Variants in RAPGEF2 observed in about 807,000 individuals in gnomAD.
RAPGEF2 encodes the protein Rap guanine nucleotide exchange factor 2.
In RAPGEF2, 54 loss-of-function variants were observed where a neutral mutation model predicts 186.7. That is an observed-to-expected ratio of 0.29 (90% CI 0.23 to 0.36). The LOEUF is 0.36. Ranked by LOEUF, RAPGEF2 falls within the 10% of genes least tolerant of loss-of-function variation. The pLI is 1.00. For synonymous variants in RAPGEF2, 712 were observed against 705.9 expected, an observed-to-expected ratio of 1.01 and a Z score of -0.14; for missense variants, 1,532 against 2,045.0, an observed-to-expected ratio of 0.75 and a Z score of 4.84.
intron 7 of RAPGEF2, chr4:159,282,663 A>G (rs1448668750): frequency 2.2e-6 from 1 of 450,922 alleles, no homozygotes; most frequent in South Asian, 1.6e-5. Flanking sequence ...TTTCTTCCTA[A>G]GGCTTGCCTT....
intron 4 of RAPGEF2, among the ~76,000 whole-genome samples, chr4:159,210,934 C>G (rs1750460097): frequency 6.6e-6 from 1 of 152,142 alleles, no homozygotes; most frequent in Non-Finnish European, 1.5e-5. Flanking sequence ...GTCTCATAAA[C>G]ATCTAAAGAG....
chr4:159,251,292 G>A (rs1755347406), intron 7 of RAPGEF2, among the ~76,000 whole-genome samples: 2 of 152,356 alleles, frequency 1.3e-5, no homozygotes, highest in African/African-American at 4.8e-5. Flanking sequence ...TGGTCCCATC[G>A]ACTGCCCAAG....
At chr4:159,156,646 C>T (rs1198193708) in intron 1 of RAPGEF2, among the ~76,000 whole-genome samples, 3 of 152,156 alleles carry the variant, frequency 2.0e-5, no homozygotes. Context: ...CTCCCAACCA[C>T]CCACATGGAC....
intron 7 of RAPGEF2, among the ~76,000 whole-genome samples, chr4:159,294,641 T>TCCTTCCTG (rs1761693643): frequency 9.6e-6 from 1 of 104,282 alleles, no homozygotes; most frequent in Non-Finnish European, 1.9e-5. Context: ...ATTTCTTCCT[T>TCCTTCCTG]CCTTCCTTCC....
intron 7 of RAPGEF2, among the ~76,000 whole-genome samples, chr4:159,259,285 T>C (rs1756533880): frequency 6.6e-6 from 1 of 152,210 alleles, no homozygotes; most frequent in African/African-American, 2.4e-5. Flanking sequence ...TTAACCGCTT[T>C]AGAAGTATAC....
At chr4:159,207,215 T>A (rs1750081305) in intron 3 of RAPGEF2, among the ~76,000 whole-genome samples, 1 of 152,236 alleles carries the variant, frequency 6.6e-6, no homozygotes, top group African/African-American at 2.4e-5. Flanking sequence ...GATTACCACT[T>A]ACCTTCACAT....
chr4:159,223,320 AG>A (rs1751716516), intron 4 of RAPGEF2, among the ~76,000 whole-genome samples: 1 of 152,138 alleles, frequency 6.6e-6, no homozygotes. Context: ...CTGTTTTCTT[AG>A]TTATACTTCT....
In RAPGEF2 at chr4:159,164,769, G is replaced by C. The variant is rs773793766; in HGVS notation, c.70-21873G>C. Among the ~76,000 whole-genome samples, 75 of 152,156 alleles carry C rather than the reference G, an allele frequency of 4.9e-4. 1 individual carries two copies. Among genetic ancestry groups the C allele is most frequent in the Non-Finnish European group, 8.7e-4 (59 of 68,022 alleles). ...GTTTATATTACTAAGCTGTTGAGATGTGACGTCGCTACAAAAATAATAAAT... is the reference window on the plus strand; with the variant it reads ...GTTTATATTACTAAGCTGTTGAGATCTGACGTCGCTACAAAAATAATAAAT... On this transcript the variant is annotated intron_variant, in intron 1 of 29. Coordinates refer to ENST00000691494, the MANE Select transcript of RAPGEF2 (RefSeq NM_001394067.2).
intron 7 of RAPGEF2, among the ~76,000 whole-genome samples, chr4:159,298,886 C>G (rs1401288739): frequency 1.3e-5 from 2 of 152,192 alleles, no homozygotes; most frequent in African/African-American, 4.8e-5. Flanking sequence ...CCAGGCACTT[C>G]TCTAAGTCCT....
intron 7 of RAPGEF2, among the ~76,000 whole-genome samples, chr4:159,285,121 T>C (rs1441207130): frequency 2.6e-5 from 4 of 152,178 alleles, no homozygotes; most frequent in Non-Finnish European, 5.9e-5. Context: ...TATGTTCCAG[T>C]TTTCCATAGT....
intron 1 of RAPGEF2, among the ~76,000 whole-genome samples, chr4:159,124,411 C>T (rs1026683016): frequency 1.3e-4 from 20 of 151,760 alleles, no homozygotes; most frequent in Admixed American, 7.2e-4. Flanking sequence ...TGGTGGCACG[C>T]GCCTGTAGTC....
At chr4:159,240,357 G>A (rs1460372718) in intron 5 of RAPGEF2, among the ~76,000 whole-genome samples, 1 of 89,906 alleles carries the variant, frequency 1.1e-5, no homozygotes, top group Non-Finnish European at 2.0e-5. Flanking sequence ...TTTTGGAGAC[G>A]GAGTCTTGTC....
At chr4:159,151,181 G>T (rs1743493869) in intron 1 of RAPGEF2, among the ~76,000 whole-genome samples, 1 of 152,240 alleles carries the variant, frequency 6.6e-6, no homozygotes, top group Admixed American at 6.5e-5. Flanking sequence ...ACAAGTCAGT[G>T]TAGATGCAGG....
At chr4:159,336,322 A>C (rs937403846) in intron 17 of RAPGEF2, among the ~76,000 whole-genome samples, 3 of 151,982 alleles carry the variant, frequency 2.0e-5, no homozygotes, top group Non-Finnish European at 4.4e-5. Context: ...CCTGGCCCTA[A>C]CCTCACCCTT....
intron 4 of RAPGEF2, among the ~76,000 whole-genome samples, chr4:159,234,116 TA>T (rs572880337): frequency 3.4e-4 from 49 of 145,238 alleles, no homozygotes; most frequent in Admixed American, 1.1e-3. Flanking sequence ...TAAGACTTAC[TA>T]AAAAAAAAAA....
At chr4:159,212,722 A>C (rs1431244672) in intron 4 of RAPGEF2, among the ~76,000 whole-genome samples, 1 of 152,186 alleles carries the variant, frequency 6.6e-6, no homozygotes, top group Non-Finnish European at 1.5e-5. Context: ...ATGTAATTTG[A>C]AATTTATGTC....
At chr4:159,298,373 G>A (rs1244989122) in intron 7 of RAPGEF2, among the ~76,000 whole-genome samples, 1 of 152,134 alleles carries the variant, frequency 6.6e-6, no homozygotes, top group Non-Finnish European at 1.5e-5. Flanking sequence ...GGTTATGAAA[G>A]GAGCCAAAAT....
intron 7 of RAPGEF2, among the ~76,000 whole-genome samples, chr4:159,293,882 G>A (rs1761568546): frequency 6.6e-6 from 1 of 152,140 alleles, no homozygotes; most frequent in Non-Finnish European, 1.5e-5. Flanking sequence ...GATCATGGAG[G>A]GTCTCATGTG....
intron 7 of RAPGEF2, among the ~76,000 whole-genome samples, chr4:159,256,849 G>A (rs987623510): frequency 6.6e-5 from 10 of 152,112 alleles, no homozygotes; most frequent in Non-Finnish European, 8.8e-5. Flanking sequence ...CTTTTGAGAA[G>A]TGTCTGTTCA....
Sources: gnomAD v4.1 joint callset for allele counts (sites outside exome capture counted in the v4.1 genomes callset) on GRCh38, gnomAD v4.1.1 for gene constraint, MANE v1.5 for transcripts, NCBI Gene and HGNC (gene_info 2026-07-23, HGNC 2026-07-21) for gene names.